EYS: variants seen among roughly 807,000 people sequenced by gnomAD.
EYS encodes protein eyes shut homolog.
In EYS, 250 loss-of-function variants were observed where a neutral mutation model predicts 282.1. The ratio of observed to expected loss-of-function variants is 0.89; its 90% confidence interval spans 0.80 to 0.98. EYS has a LOEUF of 0.98. Among genes scored for constraint, EYS ranks in the 50% least tolerant of loss-of-function variants. EYS has a pLI of 0.00. For synonymous variants in EYS, 1,355 were observed against 1,282.9 expected, an observed-to-expected ratio of 1.06 and a Z score of -1.20; for missense variants, 4,016 against 3,709.0, an observed-to-expected ratio of 1.08 and a Z score of -2.15.
chr6:65,685,246 A>G (rs1343303010), intron 1 of EYS, among the ~76,000 whole-genome samples: 1 of 152,046 alleles, frequency 6.6e-6, no homozygotes, highest in African/African-American at 2.4e-5. Flanking sequence ...AATGATGGAC[A>G]CATAGAGACG....
chr6:64,916,510 A>G (rs753256810), intron 15 of EYS, among the ~76,000 whole-genome samples: 2 of 152,234 alleles, frequency 1.3e-5, no homozygotes, highest in Admixed American at 6.5e-5. Flanking sequence ...ACAGGTTTAC[A>G]TATTTGAATC....
chr6:64,021,366 C>T (rs1769183363), intron 33 of EYS, among the ~76,000 whole-genome samples: 1 of 151,494 alleles, frequency 6.6e-6, no homozygotes, highest in Admixed American at 6.6e-5. Flanking sequence ...TGCCTAGATA[C>T]ATGTTTCTTT....
chr6:65,317,826 CT>C (rs61434190), intron 11 of EYS, among the ~76,000 whole-genome samples: 28,780 of 69,424 alleles, frequency 0.41, 5,133 homozygotes, highest in African/African-American at 0.47. Flanking sequence ...TCCTTCCTTC[CT>C]TTCTTTCTTT....
intron 31 of EYS, among the ~76,000 whole-genome samples, chr6:64,166,514 A>C (rs1322542437): frequency 6.6e-6 from 1 of 152,136 alleles, no homozygotes; most frequent in African/African-American, 2.4e-5. Context: ...ATCTGGAGAG[A>C]AGTAGGAGAA....
intron 31 of EYS, among the ~76,000 whole-genome samples, chr6:64,102,784 AAAT>A (rs1171154256): frequency 6.6e-6 from 1 of 152,186 alleles, no homozygotes; most frequent in African/African-American, 2.4e-5. Context: ...TACCAAAGTA[AAAT>A]AATAGTTTCA....
intron 35 of EYS, among the ~76,000 whole-genome samples, chr6:63,966,855 T>C (rs1015770819): frequency 6.6e-6 from 1 of 152,220 alleles, no homozygotes; most frequent in Non-Finnish European, 1.5e-5. Flanking sequence ...AAGGGGTTTA[T>C]CTGGCAATAA....
chr6:65,573,668 A>T (rs1764557112), intron 2 of EYS, among the ~76,000 whole-genome samples: 1 of 152,104 alleles, frequency 6.6e-6, no homozygotes, highest in African/African-American at 2.4e-5. Context: ...TACCTTTCAG[A>T]TACTGGAACC....
chr6:65,298,064 G>T (rs1474058002), intron 11 of EYS, among the ~76,000 whole-genome samples: 1 of 152,018 alleles, frequency 6.6e-6, no homozygotes, highest in Non-Finnish European at 1.5e-5. Flanking sequence ...ATTGTAGAAA[G>T]TTCCTTCCTA....
intron 35 of EYS, among the ~76,000 whole-genome samples, chr6:63,883,268 C>A (rs1773180561): frequency 6.6e-6 from 1 of 152,196 alleles, no homozygotes; most frequent in Non-Finnish European, 1.5e-5. Context: ...TCTCACTGTG[C>A]TCTTGCTTCA....
At chr6:65,346,404 T>C (rs1173230102) in intron 9 of EYS, among the ~76,000 whole-genome samples, 15 of 144,518 alleles carry the variant, frequency 1.0e-4, no homozygotes, top group African/African-American at 3.3e-4. Flanking sequence ...TTTACCCTTA[T>C]TGAAAAAAAA....
intron 2 of EYS, among the ~76,000 whole-genome samples, chr6:65,524,751 ATGGTAGT>A (rs1397297985): frequency 9.2e-5 from 14 of 152,342 alleles, no homozygotes; most frequent in African/African-American, 3.4e-4. Context: ...AAGCCCATGA[ATGGTAGT>A]TCTAGCAGAA....
At chr6:64,011,329 T>C (rs1441778765) in intron 33 of EYS, among the ~76,000 whole-genome samples, 1 of 152,138 alleles carries the variant, frequency 6.6e-6, no homozygotes, top group Non-Finnish European at 1.5e-5. Flanking sequence ...AACACAAAAA[T>C]GAAAGATCAA....
intron 12 of EYS, among the ~76,000 whole-genome samples, chr6:65,127,227 G>C (rs77129954): frequency 0.037 from 5,672 of 151,924 alleles, 308 homozygotes; most frequent in African/African-American, 0.12. Flanking sequence ...CTAAATAAAC[G>C]AACAGATTTT....
chr6:64,297,745 A>T (rs768853408), intron 30 of EYS, among the ~76,000 whole-genome samples: 33 of 152,300 alleles, frequency 2.2e-4, no homozygotes, highest in Admixed American at 5.9e-4. Flanking sequence ...TGAGAGGCCG[A>T]GGCAGGTGTA....
intron 5 of EYS, among the ~76,000 whole-genome samples, chr6:65,460,250 T>G (rs1169858237): frequency 1.3e-5 from 2 of 151,074 alleles, no homozygotes; most frequent in Non-Finnish European, 3.0e-5. Context: ...ACATATAAAT[T>G]AATAAATCCA....
chr6:65,132,678 C>T (rs576485961), intron 12 of EYS, among the ~76,000 whole-genome samples: 1 of 152,024 alleles, frequency 6.6e-6, no homozygotes, highest in South Asian at 2.1e-4. Context: ...CTTACCGCTT[C>T]TATTAACAAC....
Position 65,335,160 on chromosome 6 carries a change from AG to A in EYS, c.1600-15del, listed in dbSNP as rs1318377058. ...ATTTGCACAAATCTATAGCAACGAA[AG>A]AAGTAAAAATGTTATGAATTCCCAT... On this transcript the variant is annotated splice_polypyrimidine_tract_variant and intron_variant, in intron 10 of 42. Coordinates refer to ENST00000503581, the MANE Select transcript of EYS (RefSeq NM_001142800.2). The A allele has an allele frequency of 1.8e-5, 28 of 1,576,608 alleles. No individual in the cohort carries two copies. The highest frequency in any genetic ancestry group is 2.4e-5 in the Non-Finnish European group (28 of 1,147,876).
At chr6:65,443,945 ATAAT>A (rs1768550257) in intron 5 of EYS, among the ~76,000 whole-genome samples, 1 of 151,856 alleles carries the variant, frequency 6.6e-6, no homozygotes, top group East Asian at 1.9e-4. Flanking sequence ...AACACTTTAA[ATAAT>A]TAACCTAAGC....
intron 30 of EYS, among the ~76,000 whole-genome samples, chr6:64,276,060 C>T (rs1330663211): frequency 6.6e-6 from 1 of 151,776 alleles, no homozygotes; most frequent in Non-Finnish European, 1.5e-5. Context: ...CCTGAAAATG[C>T]CTATACATCC....
Sources: gnomAD v4.1 joint callset for allele counts (sites outside exome capture counted in the v4.1 genomes callset) on GRCh38, gnomAD v4.1.1 for gene constraint, MANE v1.5 for transcripts, NCBI Gene and HGNC (gene_info 2026-07-23, HGNC 2026-07-21) for gene names.